The following FLT1 variants were observed in gnomAD, a reference collection of about 807,000 sequenced individuals.
FLT1 encodes fms related receptor tyrosine kinase 1.
A neutral mutation model predicts 156.3 loss-of-function variants in FLT1; 49 were observed. The observed-to-expected ratio is 0.31, with a 90% CI of 0.25 to 0.40. FLT1 has a LOEUF of 0.40. Among genes scored for constraint, FLT1 ranks in the 10% least tolerant of loss-of-function variants. The pLI is 1.00. For synonymous variants in FLT1, 594 were observed against 583.8 expected (o/e 1.02, Z -0.25); for missense variants, 1,322 against 1,637.2 (o/e 0.81, Z 3.32).
intron 1 of FLT1, among the ~76,000 whole-genome samples, chr13:28,473,790 G>GAA (rs1343173707): frequency 9.6e-6 from 1 of 103,884 alleles, no homozygotes; most frequent in Admixed American, 1.0e-4. Context: ...AAGAAAGAAA[G>GAA]AAAGAAAGAA....
intron 20 of FLT1, among the ~76,000 whole-genome samples, chr13:28,327,250 G>T (rs1236138906): frequency 1.3e-5 from 2 of 152,150 alleles, no homozygotes; most frequent in Non-Finnish European, 2.9e-5. Flanking sequence ...GGCTGCATAC[G>T]CACACAGGGA....
intron 14 of FLT1, among the ~76,000 whole-genome samples, chr13:28,366,587 A>G (rs1873305822): frequency 6.6e-6 from 1 of 151,896 alleles, no homozygotes. Context: ...CTCTTGCCTC[A>G]GCCTCCTGAG....
rs61763174 is a variant in FLT1, at chr13:28,431,451, G to A, written c.814-141C>T. The A allele has an allele frequency of 5.8e-3, 3,944 of 677,752 alleles. 88 individuals carry two copies. The highest frequency in any genetic ancestry group is 0.058 in the African/African-American group (3,219 of 55,460). The allele number at this position is 677,752 out of a possible 1,614,324, so 42.0% of individuals were successfully genotyped here. ...GAATCATGTCAAATCCACCTAGAGCGTAATGTTTGGAAACTACATCTGTGT... is the reference window on the plus strand; with the variant it reads ...GAATCATGTCAAATCCACCTAGAGCATAATGTTTGGAAACTACATCTGTGT... On this transcript the variant is annotated intron_variant, in intron 6 of 29. Coordinates refer to ENST00000282397, the MANE Select transcript of FLT1 (RefSeq NM_002019.4).
At chr13:28,479,924 T>C (rs776597504) in intron 1 of FLT1, among the ~76,000 whole-genome samples, 9 of 152,204 alleles carry the variant, frequency 5.9e-5, no homozygotes, top group Admixed American at 1.3e-4. Context: ...TAAAATAACT[T>C]ATGAATCAGC....
In FLT1 at chr13:28,301,789, C is replaced by T. The variant is rs1870527556; in HGVS notation, c.*1378G>A. 1.3e-5 allele frequency: 3 copies of T among 233,440 alleles called. No homozygotes were observed. Among genetic ancestry groups the T allele is most frequent in the African/African-American group, 4.4e-5 (2 of 45,334 alleles). 14.5% of individuals were successfully genotyped at this position (233,440 alleles called of 1,614,324 possible). ...CTCCCTATTCCCATCATGCTCAGAC[C>T]CCAGGCAAGTTTCAAAGCAGTTGAA... On this transcript the variant is annotated 3_prime_UTR_variant, in exon 30 of 30. Transcript: ENST00000282397.
At chr13:28,325,974 G>T (rs1405897577) in intron 20 of FLT1, among the ~76,000 whole-genome samples, 1 of 152,058 alleles carries the variant, frequency 6.6e-6, no homozygotes, top group Admixed American at 6.5e-5. Flanking sequence ...GCTGTCCAGT[G>T]GTTCTTATTT....
At chr13:28,402,065 C>T (rs1048319039) in intron 11 of FLT1, among the ~76,000 whole-genome samples, 3 of 152,166 alleles carry the variant, frequency 2.0e-5, no homozygotes, top group Non-Finnish European at 4.4e-5. Flanking sequence ...TGATGACTCA[C>T]TTTTCACAAA....
intron 25 of FLT1, among the ~76,000 whole-genome samples, chr13:28,312,949 ACATTT>A (rs1871063401): frequency 2.1e-5 from 3 of 142,820 alleles, no homozygotes; most frequent in African/African-American, 7.7e-5. Flanking sequence ...TTCTTCTCTT[ACATTT>A]TATTTTTATT....
At chr13:28,318,610 G>A (rs1871302846) in intron 24 of FLT1, among the ~76,000 whole-genome samples, 1 of 152,220 alleles carries the variant, frequency 6.6e-6, no homozygotes, top group African/African-American at 2.4e-5. Flanking sequence ...CCGCCAAGCT[G>A]CTTTCAAAGA....
intron 16 of FLT1, among the ~76,000 whole-genome samples, chr13:28,341,676 G>A (rs925171504): frequency 4.6e-5 from 7 of 152,084 alleles, no homozygotes; most frequent in Non-Finnish European, 8.8e-5. Flanking sequence ...TTACATTGTC[G>A]TTAGAGGAAC....
At chr13:28,385,234 C>G (rs1395145855) in intron 13 of FLT1, among the ~76,000 whole-genome samples, 8 of 152,170 alleles carry the variant, frequency 5.3e-5, no homozygotes, top group Non-Finnish European at 8.8e-5. Context: ...TATTACAACA[C>G]AGTGAAATCA....
At chr13:28,306,563 C>T in intron 29 of FLT1, 115 bp downstream of exon 29, 1 of 788,528 alleles carries the variant, frequency 1.3e-6, no homozygotes, top group Non-Finnish European at 2.2e-6. Context: ...CTCCCGGATA[C>T]CACAGTTCAG....
intron 13 of FLT1, 78 bp downstream of exon 13, chr13:28,389,717 CT>C: frequency 6.2e-7 from 1 of 1,609,932 alleles, no homozygotes; most frequent in Admixed American, 1.7e-5. Context: ...TTTTACATTA[CT>C]TTGTGTGGTA....
At chr13:28,347,527 A>G (rs1232747004) in intron 15 of FLT1, among the ~76,000 whole-genome samples, 2 of 152,112 alleles carry the variant, frequency 1.3e-5, no homozygotes, top group Admixed American at 6.5e-5. Flanking sequence ...TCTCAAAACC[A>G]AAACAAGACA....
chr13:28,453,863 G>A (rs796429252), intron 3 of FLT1, among the ~76,000 whole-genome samples: 5 of 152,304 alleles, frequency 3.3e-5, no homozygotes, highest in African/African-American at 1.2e-4. Context: ...ATCATGGTAA[G>A]CAGGACGAAC....
intron 16 of FLT1, among the ~76,000 whole-genome samples, chr13:28,341,809 A>C (rs1054796765): frequency 3.9e-5 from 6 of 152,240 alleles, no homozygotes; most frequent in African/African-American, 1.2e-4. Flanking sequence ...TTAACATCAA[A>C]ATTTCACAGA....
intron 15 of FLT1, among the ~76,000 whole-genome samples, chr13:28,355,746 A>G (rs1358247040): frequency 6.6e-6 from 1 of 152,202 alleles, no homozygotes; most frequent in Non-Finnish European, 1.5e-5. Flanking sequence ...CTCTAATCCA[A>G]TCTGGAAGGC....
Position 28,335,281 on chromosome 13 carries a change from A to G in FLT1, c.2489-1152T>C, listed in dbSNP as rs77132526. 5.4e-3 allele frequency among the ~76,000 whole-genome samples: 828 copies of G among 152,218 alleles called. 8 individuals are homozygous for G. The highest frequency in any genetic ancestry group is 0.019 in the African/African-American group (795 of 41,518). ...GACAGAATACCACTGGTTGGTTAAA[A>G]CTATTATAAATCCTGGCAGTTAGAG... On this transcript the variant is annotated intron_variant, in intron 17 of 29. Transcript: ENST00000282397.
At chr13:28,468,293 ACGTGACATT>A (rs1879961701) in intron 1 of FLT1, among the ~76,000 whole-genome samples, 1 of 152,222 alleles carries the variant, frequency 6.6e-6, no homozygotes, top group South Asian at 2.1e-4. Context: ...TCACACGCTT[ACGTGACATT>A]CGACAAACAT....
Sources: gnomAD v4.1 joint callset for allele counts (sites outside exome capture counted in the v4.1 genomes callset) on GRCh38, gnomAD v4.1.1 for gene constraint, MANE v1.5 for transcripts, NCBI Gene and HGNC (gene_info 2026-07-23, HGNC 2026-07-21) for gene names.